Variants in SCN8A observed in about 807,000 individuals in gnomAD.
The protein encoded by SCN8A is sodium channel protein type 8 subunit alpha.
SCN8A carries 30 observed loss-of-function variants against 184.1 expected under a neutral mutation model. The observed-to-expected ratio is 0.16, with a 90% CI of 0.12 to 0.22. The LOEUF (loss-of-function observed/expected upper bound fraction) is 0.22, where lower values mean the gene tolerates loss of function less well. Ranked by LOEUF, SCN8A falls within the 10% of genes least tolerant of loss-of-function variation. SCN8A has a pLI of 1.00. For missense variants in SCN8A, 1,057 were observed against 2,498.9 expected (o/e 0.42, Z 12.30); for synonymous variants, 852 against 907.0 (o/e 0.94, Z 1.09).
chr12:51,746,913 GT>G (rs1283762955), intron 13 of SCN8A, among the ~76,000 whole-genome samples: 1 of 152,166 alleles, frequency 6.6e-6, no homozygotes, highest in Admixed American at 6.5e-5. Flanking sequence ...ATTTAGCTGA[GT>G]TGTCTCATTG....
At chr12:51,608,306 G>C (rs1368216667) in intron 1 of SCN8A, among the ~76,000 whole-genome samples, 1 of 152,050 alleles carries the variant, frequency 6.6e-6, no homozygotes, top group Non-Finnish European at 1.5e-5. Context: ...CACCGCGCCT[G>C]GCCTGGTACC....
chr12:51,724,308 A>G (rs1457355495), intron 12 of SCN8A, among the ~76,000 whole-genome samples: 1 of 152,120 alleles, frequency 6.6e-6, no homozygotes. Flanking sequence ...TTAGCCAGGC[A>G]TGGTGGTATG....
chr12:51,713,568 G>A, intron 11 of SCN8A: 1 of 721,886 alleles, frequency 1.4e-6, no homozygotes, highest in Non-Finnish European at 2.5e-6. Flanking sequence ...GACGGCTGGA[G>A]TCGGACTGGG....
intron 26 of SCN8A, among the ~76,000 whole-genome samples, chr12:51,803,368 G>A (rs1938607848): frequency 1.3e-5 from 2 of 151,772 alleles, no homozygotes; most frequent in Non-Finnish European, 2.9e-5. Context: ...CGATTAGATG[G>A]TGCCCACCCA....
chr12:51,628,098 C>T (rs907430057), intron 1 of SCN8A, among the ~76,000 whole-genome samples: 53 of 152,162 alleles, frequency 3.5e-4, no homozygotes, highest in African/African-American at 1.1e-3. Context: ...GAGATCCTGA[C>T]ACAGACCTTT....
At chr12:51,659,441 A>T (rs906125906) in intron 1 of SCN8A, among the ~76,000 whole-genome samples, 8 of 152,194 alleles carry the variant, frequency 5.3e-5, no homozygotes, top group South Asian at 2.1e-4. Flanking sequence ...TGCATACTTT[A>T]TTGCTTTATT....
intron 2 of SCN8A, among the ~76,000 whole-genome samples, chr12:51,663,649 C>G (rs1456276577): frequency 6.6e-6 from 1 of 152,198 alleles, no homozygotes; most frequent in Non-Finnish European, 1.5e-5. Flanking sequence ...AGCACTGATT[C>G]TTGCAGTAGA....
At position 51,788,806 on chromosome 12, in the gene SCN8A, T is replaced by C. The variant is rs978144641; in HGVS notation, c.4281+58T>C. The C allele has an allele frequency of 4.0e-5, 60 of 1,491,800 alleles. No individual in the cohort carries two copies. The African/African-American group carries it at 6.3e-4, about 16-fold the overall frequency. The allele number at this position is 1,491,800 out of a possible 1,614,324, so 92.4% of individuals were successfully genotyped here. On this transcript the variant is annotated intron_variant, in intron 23 of 26. Transcript: ENST00000627620. ...TCAGATGGCTGGAAAGCAAGCAGCA[T>C]GGTATACCGAGCCCACCAAGAAAGA...
chr12:51,645,366 G>A (rs1446785258), intron 1 of SCN8A, among the ~76,000 whole-genome samples: 1 of 151,122 alleles, frequency 6.6e-6, no homozygotes, highest in Non-Finnish European at 1.5e-5. Context: ...CAGCTGCCCC[G>A]TCCGGGAGGT....
chr12:51,770,256 T>C, intron 18 of SCN8A: 1 of 586,622 alleles, frequency 1.7e-6, no homozygotes, highest in Non-Finnish European at 3.0e-6. Flanking sequence ...CTGTCATGGC[T>C]GTGCCTGCCT....
chr12:51,672,624 A>T (rs921041040), intron 2 of SCN8A, among the ~76,000 whole-genome samples: 3 of 152,140 alleles, frequency 2.0e-5, no homozygotes, highest in African/African-American at 7.2e-5. Flanking sequence ...TTCCTTAAAT[A>T]TTCAACACCT....
At chr12:51,731,397 T>C (rs1942239918) in intron 12 of SCN8A, among the ~76,000 whole-genome samples, 3 of 152,100 alleles carry the variant, frequency 2.0e-5, no homozygotes, top group Admixed American at 1.3e-4. Flanking sequence ...ATTACAGGCA[T>C]GTGCCACCAC....
At chr12:51,776,247 A>G (rs1029242115) in intron 20 of SCN8A, among the ~76,000 whole-genome samples, 1 of 152,194 alleles carries the variant, frequency 6.6e-6, no homozygotes, top group Non-Finnish European at 1.5e-5. Flanking sequence ...GTTTATAGAC[A>G]TGAGCCACTG....
intron 25 of SCN8A, among the ~76,000 whole-genome samples, chr12:51,790,983 T>C (rs1046833889): frequency 1.3e-5 from 2 of 152,200 alleles, no homozygotes; most frequent in African/African-American, 2.4e-5. Context: ...GGGAGTCTGG[T>C]GCCCTGATTG....
At chr12:51,788,815 G>A (rs373945320) in intron 23 of SCN8A, 67 bp downstream of exon 23, 28 of 1,379,970 alleles carry the variant, frequency 2.0e-5, no homozygotes, top group Non-Finnish European at 2.4e-5. Flanking sequence ...ATGGTATACC[G>A]AGCCCACCAA....
At chr12:51,709,990 A>G (rs772982531) in intron 11 of SCN8A, among the ~76,000 whole-genome samples, 1 of 152,336 alleles carries the variant, frequency 6.6e-6, no homozygotes, top group East Asian at 1.9e-4. Context: ...AGCCTGGGCA[A>G]CATAGTGAGA....
chr12:51,689,257 A>G (rs1353656630), intron 6 of SCN8A, 161 bp downstream of exon 6: 1 of 634,244 alleles, frequency 1.6e-6, no homozygotes, highest in Non-Finnish European at 2.7e-6. Flanking sequence ...TTGGGTCCTC[A>G]GGCAGTTTTC....
At chr12:51,606,445 A>G (rs182462456) in intron 1 of SCN8A, among the ~76,000 whole-genome samples, 6 of 152,276 alleles carry the variant, frequency 3.9e-5, no homozygotes, top group South Asian at 2.1e-4. Context: ...CCGTTGGTCT[A>G]TGTGCCTATT....
intron 1 of SCN8A, among the ~76,000 whole-genome samples, chr12:51,631,343 A>G (rs1390802586): frequency 5.3e-5 from 8 of 152,230 alleles, no homozygotes; most frequent in Non-Finnish European, 1.2e-4. Context: ...CAGTATGCAT[A>G]GTTGTTCTCC....
Sources: gnomAD v4.1 joint callset for allele counts (sites outside exome capture counted in the v4.1 genomes callset) on GRCh38, gnomAD v4.1.1 for gene constraint, MANE v1.5 for transcripts, NCBI Gene and HGNC (gene_info 2026-07-23, HGNC 2026-07-21) for gene names.